The following TFDP2 variants were observed in gnomAD, a reference collection of about 807,000 sequenced individuals.
TFDP2 encodes the protein transcription factor Dp-2.
TFDP2 carries 17 observed loss-of-function variants against 59.3 expected under a neutral mutation model. The observed-to-expected ratio is 0.29, with a 90% CI of 0.20 to 0.43. The LOEUF is 0.43. Ranked by LOEUF, TFDP2 falls within the 20% of genes least tolerant of loss-of-function variation. TFDP2 has a pLI of 1.00. For synonymous variants in TFDP2, 180 were observed against 194.7 expected (o/e 0.92, Z 0.63); for missense variants, 391 against 528.8 (o/e 0.74, Z 2.56).
chr3:142,103,013 A>G (rs535586222), intron 1 of TFDP2, among the ~76,000 whole-genome samples: 2 of 152,304 alleles, frequency 1.3e-5, no homozygotes, highest in African/African-American at 4.8e-5. Flanking sequence ...AGGCGAGTGG[A>G]TCACCTGAGG....
At chr3:142,010,763 T>C in intron 3 of TFDP2, among the ~76,000 whole-genome samples, 1 of 146,488 alleles carries the variant, frequency 6.8e-6, no homozygotes, top group Non-Finnish European at 1.5e-5. Flanking sequence ...AACAACCCCA[T>C]CAAAAAGTGG....
chr3:142,092,061 G>C (rs373674469), intron 3 of TFDP2, among the ~76,000 whole-genome samples: 1 of 152,080 alleles, frequency 6.6e-6, no homozygotes, highest in Non-Finnish European at 1.5e-5. Flanking sequence ...ACACACAAAA[G>C]AGAAAGGAAA....
At chr3:141,978,775 A>G (rs1378983134) in intron 6 of TFDP2, 93 bp from the exon 7 acceptor site, 1 of 956,238 alleles carries the variant, frequency 1.0e-6, no homozygotes. Flanking sequence ...ACAGTAATTT[A>G]AGTTTTACTT....
intron 3 of TFDP2, among the ~76,000 whole-genome samples, chr3:142,089,602 A>G (rs1416221950): frequency 6.6e-6 from 1 of 152,176 alleles, no homozygotes; most frequent in Non-Finnish European, 1.5e-5. Flanking sequence ...TTAAAGATTC[A>G]TTATGATGTC....
chr3:141,991,305 T>C (rs977631145), intron 6 of TFDP2, among the ~76,000 whole-genome samples: 4 of 152,192 alleles, frequency 2.6e-5, no homozygotes, highest in African/African-American at 9.6e-5. Flanking sequence ...CAAGTATAAA[T>C]TGCAATAAAT....
intron 3 of TFDP2, among the ~76,000 whole-genome samples, chr3:142,040,335 G>A (rs1213822928): frequency 1.3e-5 from 2 of 152,170 alleles, no homozygotes; most frequent in Non-Finnish European, 2.9e-5. Context: ...GCTTCTGCCT[G>A]TAATCCCAGT....
chr3:142,148,883 T>C (rs1365009652), intron 1 of TFDP2, among the ~76,000 whole-genome samples: 4 of 152,224 alleles, frequency 2.6e-5, no homozygotes, highest in East Asian at 3.8e-4. Flanking sequence ...CCATCCTTCT[T>C]TGAAGAGAAC....
chr3:142,140,693 A>G (rs1296358866), intron 1 of TFDP2, among the ~76,000 whole-genome samples: 2 of 152,220 alleles, frequency 1.3e-5, no homozygotes, highest in Non-Finnish European at 2.9e-5. Context: ...TCAGCAGCAG[A>G]GGCTGCAGAA....
chr3:141,961,053 C>A (rs915710276), intron 10 of TFDP2, among the ~76,000 whole-genome samples: 1 of 152,064 alleles, frequency 6.6e-6, no homozygotes, highest in Non-Finnish European at 1.5e-5. Context: ...TCCACAATAC[C>A]CTAGGCCAAT....
chr3:141,999,030 T>G (rs115832397), intron 4 of TFDP2, among the ~76,000 whole-genome samples: 10,646 of 152,268 alleles, frequency 0.07, 471 homozygotes, highest in Non-Finnish European at 0.11. Flanking sequence ...AGACAGCCAT[T>G]AGATTATCTT....
intron 1 of TFDP2, among the ~76,000 whole-genome samples, chr3:142,132,003 C>CA (rs56004449): frequency 0.27 from 22,229 of 82,976 alleles, 2,921 homozygotes; most frequent in African/African-American, 0.35. Context: ...GACTCCGTCT[C>CA]AAAAAAAAAA....
intron 3 of TFDP2, among the ~76,000 whole-genome samples, chr3:142,065,924 T>C (rs2060062032): frequency 6.6e-6 from 1 of 151,936 alleles, no homozygotes; most frequent in South Asian, 2.1e-4. Flanking sequence ...AAAAAAGTAA[T>C]GCAGGTAAAA....
rs1481976529 is a variant in TFDP2, at chr3:141,965,589, AG to A, written c.733-1627del. Among the ~76,000 whole-genome samples, 40 of 145,600 alleles carry A rather than the reference AG, an allele frequency of 2.7e-4. 1 individual carries two copies. The highest frequency in any genetic ancestry group is 9.9e-4 in the African/African-American group (38 of 38,394). ...GAAGGGGAAGGGGAAGGGGAAGGAA[AG>A]GGGAAGGAAAGGAAAGGAAAGGAAA... On this transcript the variant is annotated intron_variant, in intron 9 of 12. Coordinates refer to ENST00000489671, the MANE Select transcript of TFDP2 (RefSeq NM_001178139.2).
intron 3 of TFDP2, among the ~76,000 whole-genome samples, chr3:142,084,902 A>G (rs1343806710): frequency 6.6e-6 from 1 of 151,950 alleles, no homozygotes; most frequent in Non-Finnish European, 1.5e-5. Context: ...AGAATAAATA[A>G]TATTTGATAT....
chr3:141,972,385 T>G (rs571114994), intron 8 of TFDP2, among the ~76,000 whole-genome samples: 4 of 152,302 alleles, frequency 2.6e-5, no homozygotes, highest in African/African-American at 9.6e-5. Flanking sequence ...ACTGGCAGAG[T>G]GATCCTTTAA....
intron 3 of TFDP2, among the ~76,000 whole-genome samples, chr3:142,038,383 C>CAAAAAA (rs1184364752): frequency 1.5e-3 from 62 of 41,234 alleles, no homozygotes; most frequent in African/African-American, 3.3e-3. Context: ...GACTCCATCT[C>CAAAAAA]AAAAAAAAAA....
intron 3 of TFDP2, among the ~76,000 whole-genome samples, chr3:142,054,734 C>T (rs2059680657): frequency 6.6e-6 from 1 of 152,058 alleles, no homozygotes; most frequent in Non-Finnish European, 1.5e-5. Flanking sequence ...TCCCAGTCAA[C>T]ATACCTAGGT....
In TFDP2 at chr3:141,983,938, T is replaced by C. The variant is rs142156727; in HGVS notation, c.357-5256A>G. ...AAAAAGTAAACATAGAATTACCATATGATCCAGTAATTTCACTTTTGGGTA... is the reference window on the plus strand; with the variant it reads ...AAAAAGTAAACATAGAATTACCATACGATCCAGTAATTTCACTTTTGGGTA... On this transcript the variant is annotated intron_variant, in intron 6 of 12. Transcript: ENST00000489671. 3.3e-5 allele frequency among the ~76,000 whole-genome samples: 5 copies of C among 152,314 alleles called. No individual in the cohort carries two copies. In the East Asian group the frequency reaches 9.6e-4, roughly 29 times the overall value.
At chr3:142,146,961 G>A (rs965406742) in intron 1 of TFDP2, among the ~76,000 whole-genome samples, 3 of 151,464 alleles carry the variant, frequency 2.0e-5, no homozygotes, top group Admixed American at 1.3e-4. Context: ...GGCGAGGTGT[G>A]TGCCTATAAC....
Sources: gnomAD v4.1 joint callset for allele counts (sites outside exome capture counted in the v4.1 genomes callset) on GRCh38, gnomAD v4.1.1 for gene constraint, MANE v1.5 for transcripts, NCBI Gene and HGNC (gene_info 2026-07-23, HGNC 2026-07-21) for gene names.